MYO1D: variants seen among roughly 807,000 people sequenced by gnomAD.
MYO1D encodes unconventional myosin-Id.
Under a neutral mutation model 122.0 loss-of-function variants are expected in MYO1D, and 83 were observed. The ratio of observed to expected loss-of-function variants is 0.68; its 90% CI spans 0.57 to 0.82. MYO1D has a LOEUF of 0.82. MYO1D is among the 40% of genes least tolerant of loss of function. MYO1D has a pLI of 0.00. For synonymous variants in MYO1D, 464 were observed against 446.9 expected (o/e 1.04, Z -0.48); for missense variants, 1,157 against 1,269.5 (o/e 0.91, Z 1.35).
intron 21 of MYO1D, among the ~76,000 whole-genome samples, chr17:32,514,139 G>T (rs143311340): frequency 6.6e-5 from 10 of 151,360 alleles, no homozygotes; most frequent in Non-Finnish European, 1.5e-4. Context: ...TTACTCGGGA[G>T]GCTGAGGCAG....
chr17:32,634,204 G>A (rs144921837), intron 20 of MYO1D, among the ~76,000 whole-genome samples: 16 of 152,188 alleles, frequency 1.1e-4, no homozygotes, highest in East Asian at 3.9e-4. Flanking sequence ...ATTTAAAATC[G>A]CCCATCTCCT....
intron 21 of MYO1D, chr17:32,602,416 AGTTACTT>A (rs1259605122): frequency 6.6e-6 from 1 of 152,228 alleles, no homozygotes; most frequent in East Asian, 1.9e-4. Flanking sequence ...GACATAGCTA[AGTTACTT>A]GGAAGCAGTT....
chr17:32,807,086 C>G (rs2090521066), intron 1 of MYO1D, among the ~76,000 whole-genome samples: 1 of 152,170 alleles, frequency 6.6e-6, no homozygotes, highest in Non-Finnish European at 1.5e-5. Context: ...ATTTCTCAAA[C>G]TTGAATTTAT....
chr17:32,625,861 T>G (rs537858561), intron 20 of MYO1D, among the ~76,000 whole-genome samples: 73 of 152,286 alleles, frequency 4.8e-4, no homozygotes, highest in Admixed American at 1.9e-3. Context: ...ATGTGTTATC[T>G]GTCAAAGGGA....
In MYO1D at chr17:32,562,086, G is replaced by A. The variant is rs117675693; in HGVS notation, c.2864+43001C>T. On this transcript the variant is annotated intron_variant, in intron 21 of 21. Transcript: ENST00000318217. ...GCTCACTGCAGTCTTGGCCTCCTGG[G>A]TTTAAGCCACTCTCCCACCTCAGCC... Among the ~76,000 whole-genome samples, 1,163 of 152,112 alleles carry A rather than the reference G, an allele frequency of 7.6e-3. 10 individuals carry two copies. Among genetic ancestry groups the A allele is most frequent in the Non-Finnish European group, 0.012 (846 of 67,992 alleles).
At chr17:32,580,289 A>ATTTTTTT (rs71144843) in intron 21 of MYO1D, among the ~76,000 whole-genome samples, 3 of 39,138 alleles carry the variant, frequency 7.7e-5, no homozygotes, top group African/African-American at 2.3e-4. Flanking sequence ...TGCTAAGAGG[A>ATTTTTTT]TTTTTTTTTT....
At chr17:32,685,052 C>G (rs2088986464) in intron 16 of MYO1D, among the ~76,000 whole-genome samples, 1 of 152,044 alleles carries the variant, frequency 6.6e-6, no homozygotes, top group South Asian at 2.1e-4. Flanking sequence ...CTCAATGTCA[C>G]TGCATTTTAT....
At chr17:32,525,597 C>T (rs537719954) in intron 21 of MYO1D, among the ~76,000 whole-genome samples, 1 of 152,166 alleles carries the variant, frequency 6.6e-6, no homozygotes, top group Non-Finnish European at 1.5e-5. Flanking sequence ...GCCAAAAGGC[C>T]GAGAAGCGAT....
intron 1 of MYO1D, among the ~76,000 whole-genome samples, chr17:32,864,140 G>T (rs2091104135): frequency 1.4e-5 from 2 of 145,298 alleles, no homozygotes; most frequent in African/African-American, 5.1e-5. Context: ...TTTCCCAAAT[G>T]ACATATTCCT....
intron 21 of MYO1D, among the ~76,000 whole-genome samples, chr17:32,557,987 T>A (rs1429439438): frequency 1.3e-5 from 2 of 152,066 alleles, no homozygotes; most frequent in Non-Finnish European, 2.9e-5. Flanking sequence ...TAGACACAAT[T>A]TGAATTTTAC....
chr17:32,601,212 A>C (rs2087558798), intron 21 of MYO1D, among the ~76,000 whole-genome samples: 1 of 152,204 alleles, frequency 6.6e-6, no homozygotes, highest in African/African-American at 2.4e-5. Flanking sequence ...CTGGGGTCGC[A>C]GGAATGAGCC....
At chr17:32,857,468 C>G (rs368504146) in intron 1 of MYO1D, among the ~76,000 whole-genome samples, 25 of 151,936 alleles carry the variant, frequency 1.6e-4, no homozygotes, top group African/African-American at 4.8e-4. Context: ...ACCTGTAGTC[C>G]CAGCTACTCA....
At chr17:32,777,798 G>A (rs1056828194) in intron 3 of MYO1D, among the ~76,000 whole-genome samples, 2 of 152,130 alleles carry the variant, frequency 1.3e-5, no homozygotes, top group African/African-American at 4.8e-5. Context: ...GCCGGGCGCA[G>A]TGGCCGGTGC....
At chr17:32,866,165 GGTCAT>G (rs2091122883) in intron 1 of MYO1D, among the ~76,000 whole-genome samples, 1 of 152,106 alleles carries the variant, frequency 6.6e-6, no homozygotes, top group South Asian at 2.1e-4. Context: ...CACAGGCATG[GGTCAT>G]TGCACCTGGC....
chr17:32,514,647 T>G (rs1909825226), intron 21 of MYO1D, among the ~76,000 whole-genome samples: 1 of 152,160 alleles, frequency 6.6e-6, no homozygotes, highest in Non-Finnish European at 1.5e-5. Context: ...ATGGGTAAAT[T>G]ATAGTTAGTT....
intron 1 of MYO1D, among the ~76,000 whole-genome samples, chr17:32,818,194 A>AC (rs1162037135): frequency 6.6e-6 from 1 of 150,782 alleles, no homozygotes; most frequent in Non-Finnish European, 1.5e-5. Flanking sequence ...GTTGAGATTC[A>AC]CCTAAGCAGT....
chr17:32,687,195 ATTTTTT>A (rs371967017), intron 16 of MYO1D, among the ~76,000 whole-genome samples: 11 of 131,926 alleles, frequency 8.3e-5, no homozygotes, highest in Admixed American at 6.8e-4. Context: ...TGCCTGGCTA[ATTTTTT>A]TTTTTTTTTT....
At chr17:32,836,533 A>G (rs895104435) in intron 1 of MYO1D, among the ~76,000 whole-genome samples, 1 of 152,052 alleles carries the variant, frequency 6.6e-6, no homozygotes, top group Non-Finnish European at 1.5e-5. Context: ...TCACTAATCA[A>G]TTTGCCTACT....
intron 1 of MYO1D, among the ~76,000 whole-genome samples, chr17:32,854,917 A>G (rs1159454826): frequency 1.3e-5 from 2 of 152,202 alleles, no homozygotes; most frequent in Non-Finnish European, 2.9e-5. Flanking sequence ...ATGCCAACAT[A>G]TGATATACAA....
Sources: allele counts gnomAD v4.1 joint callset (sites outside exome capture counted in the v4.1 genomes callset), GRCh38; gene constraint gnomAD v4.1.1; transcripts MANE v1.5; gene names NCBI Gene and HGNC (gene_info 2026-07-23, HGNC 2026-07-21).